Variants in EXD1 observed in about 807,000 individuals in gnomAD.
EXD1 encodes exonuclease 3'-5' domain containing 1, also known as piRNA biogenesis protein EXD1.
EXD1 carries 63 observed loss-of-function variants against 49.1 expected under a neutral mutation model. The ratio of observed to expected loss-of-function variants is 1.28; its 90% CI spans 1.05 to 1.58. EXD1 has a LOEUF of 1.58. Ranked by LOEUF, EXD1 falls within the 40% of genes most tolerant of loss-of-function variation. EXD1 has a pLI of 0.00. For missense variants in EXD1, 748 were observed against 666.0 expected (o/e 1.12, Z -1.36); for synonymous variants, 234 against 239.2 (o/e 0.98, Z 0.20).
At chr15:41,191,310 G>C in intron 10 of EXD1, 132 bp downstream of exon 10, 2 of 762,392 alleles carry the variant, frequency 2.6e-6, no homozygotes, top group Non-Finnish European at 4.1e-6. Flanking sequence ...TTCCCATTTG[G>C]TACAGTTAAG....
In EXD1 at chr15:41,183,708, T is replaced by C; in HGVS notation, c.*223A>G. On this transcript the variant is annotated 3_prime_UTR_variant, in exon 12 of 12. Coordinates refer to ENST00000458580, the MANE Select transcript of EXD1 (RefSeq NM_001286441.2). Reference sequence around the variant, plus strand: ...ATGCACTCTGGTCACTGAGAACATTTCTACACAGTGACATAATCAGAAATT... The same window carrying C: ...ATGCACTCTGGTCACTGAGAACATTCCTACACAGTGACATAATCAGAAATT... 2.2e-6 allele frequency: 1 copy of C among 461,200 alleles called. No homozygotes were observed. Among genetic ancestry groups the C allele is most frequent in the Non-Finnish European group, 3.8e-6 (1 of 266,220 alleles). The allele number at this position is 461,200 out of a possible 1,614,324, so 28.6% of individuals were successfully genotyped here. A position where few individuals can be genotyped will look rare whatever the true frequency, so the allele number is the denominator to read the frequency against.
chr15:41,223,384 C>T (rs1010287553), intron 2 of EXD1, among the ~76,000 whole-genome samples: 2 of 151,868 alleles, frequency 1.3e-5, no homozygotes, highest in South Asian at 2.1e-4. Context: ...AGTCCCACTG[C>T]ACTCCAGGCT....
intron 7 of EXD1, among the ~76,000 whole-genome samples, chr15:41,206,929 C>CTT (rs532980257): frequency 5.5e-5 from 3 of 54,366 alleles, no homozygotes; most frequent in African/African-American, 1.9e-4. Flanking sequence ...CTATTCAACT[C>CTT]TTTTTTTTTT....
At chr15:41,224,249 T>G (rs1384725073) in intron 2 of EXD1, among the ~76,000 whole-genome samples, 2 of 152,152 alleles carry the variant, frequency 1.3e-5, no homozygotes, top group Admixed American at 6.5e-5. Flanking sequence ...CTAGACTAAG[T>G]TTTTTGAGAA....
chr15:41,228,464 C>T (rs2047194185), intron 1 of EXD1, among the ~76,000 whole-genome samples: 1 of 152,140 alleles, frequency 6.6e-6, no homozygotes, highest in East Asian at 1.9e-4. Flanking sequence ...AGACACCTGC[C>T]CAAAGTCACA....
intron 11 of EXD1, 72 bp downstream of exon 11, chr15:41,189,864 GA>G: frequency 6.8e-7 from 1 of 1,460,250 alleles, no homozygotes; most frequent in Non-Finnish European, 9.4e-7. Flanking sequence ...CAGCTATGAA[GA>G]AAGGGTATCA....
At chr15:41,217,266 T>C in intron 3 of EXD1, 112 bp from the exon 4 acceptor site, 1 of 867,492 alleles carries the variant, frequency 1.2e-6, no homozygotes, top group South Asian at 1.6e-5. Flanking sequence ...TAATTGGAAA[T>C]GACATGTTAG....
rs935353251 is a variant in EXD1 at position 41,184,370 on chromosome 15, G to A, written c.1280C>T (p.Thr427Ile). Residue 427 changes from threonine (T) to isoleucine (I), a missense_variant, in exon 12 of 12, where the codon ACA (threonine) becomes ATA (isoleucine). Thr to Ile is a moderately conservative substitution (Grantham distance 89, BLOSUM62 -1). Coordinates refer to ENST00000458580, the MANE Select transcript of EXD1 (RefSeq NM_001286441.2). ...CACATCCCCGTGAAAGTCTTGAGATGTAAAACTTGGAGCTTTATCTATCCT... is the reference window on the plus strand; with the variant it reads ...CACATCCCCGTGAAAGTCTTGAGATATAAAACTTGGAGCTTTATCTATCCT... The part of the protein sequence containing the change: ...NFRIDKAPSF[T>I]SQDFHGDVNL... The A allele has an allele frequency of 1.9e-6, 3 of 1,614,052 alleles. No individual in the cohort carries two copies. The highest frequency in any genetic ancestry group is 1.3e-5 in the African/African-American group (1 of 74,912).
intron 1 of EXD1, among the ~76,000 whole-genome samples, chr15:41,228,739 G>A (rs1284326373): frequency 5.9e-5 from 9 of 151,928 alleles, no homozygotes; most frequent in Non-Finnish European, 7.4e-5. Context: ...TCACTCTGTC[G>A]CCAGGCTGGA....
chr15:41,191,888 T>C (rs951049854), intron 9 of EXD1: 4 of 227,948 alleles, frequency 1.8e-5, no homozygotes, highest in Non-Finnish European at 2.5e-5. Flanking sequence ...GTAATTCTCC[T>C]GCCTCAGCCA....
chr15:41,192,979 G>A (rs1238637097), intron 9 of EXD1, among the ~76,000 whole-genome samples: 1 of 151,666 alleles, frequency 6.6e-6, no homozygotes, highest in African/African-American at 2.4e-5. Context: ...TGTATTTTTA[G>A]TACAGACAGG....
At chr15:41,184,811 C>T (rs935210796) in intron 11 of EXD1, among the ~76,000 whole-genome samples, 9 of 151,986 alleles carry the variant, frequency 5.9e-5, no homozygotes, top group African/African-American at 1.9e-4. Flanking sequence ...CCTGCCACCA[C>T]GCCCAGCTAA....
At chr15:41,224,153 GT>G (rs1473666201) in intron 2 of EXD1, among the ~76,000 whole-genome samples, 2 of 152,144 alleles carry the variant, frequency 1.3e-5, no homozygotes, top group Non-Finnish European at 2.9e-5. Flanking sequence ...GCCCAGGCTG[GT>G]TTCAAACTCC....
At chr15:41,210,239 A>T (rs1373832339) in intron 6 of EXD1, among the ~76,000 whole-genome samples, 1 of 152,148 alleles carries the variant, frequency 6.6e-6, no homozygotes, top group East Asian at 1.9e-4. Flanking sequence ...TTAAGACAAG[A>T]TTCCTCATGC....
At chr15:41,211,930 C>G (rs1357603828) in intron 6 of EXD1, among the ~76,000 whole-genome samples, 2 of 152,042 alleles carry the variant, frequency 1.3e-5, no homozygotes, top group Non-Finnish European at 2.9e-5. Flanking sequence ...TGCCACTGCA[C>G]TCCAGCCTGG....
intron 9 of EXD1, 56 bp from the exon 10 acceptor site, chr15:41,191,641 C>A (rs2046520181): frequency 6.7e-7 from 1 of 1,491,286 alleles, no homozygotes; most frequent in Non-Finnish European, 9.2e-7. Flanking sequence ...AGAGCTATCT[C>A]ATGCCAGAAA....
rs898944458 is a variant in EXD1 at position 41,195,661 on chromosome 15, A to C, written c.720+114T>G. On this transcript the variant is annotated intron_variant, in intron 9 of 11. Transcript: ENST00000458580. ...CATGAAAAGTGAGCAGAAATGGAGCACCAAAAAAAAAAAAAAAATTAAAAA... is the reference window on the plus strand; with the variant it reads ...CATGAAAAGTGAGCAGAAATGGAGCCCCAAAAAAAAAAAAAAAATTAAAAA... 341 of 517,912 alleles carry C rather than the reference A, an allele frequency of 6.6e-4. 1 individual carries two copies. The highest frequency in any genetic ancestry group is 9.1e-4 in the Non-Finnish European group (308 of 339,432). The allele number at this position is 517,912 out of a possible 1,614,324, so 32.1% of individuals were successfully genotyped here.
intron 3 of EXD1, among the ~76,000 whole-genome samples, chr15:41,217,922 GA>G: frequency 6.6e-6 from 1 of 152,290 alleles, no homozygotes; most frequent in South Asian, 2.1e-4. Context: ...CTGGAGCAGA[GA>G]AAAGGTAAAA....
chr15:41,230,554 AT>A lies in EXD1; in HGVS notation c.-130del, dbSNP rs779279875. ...GGAAGTTTGGGAAATCTGGATCCTA[AT>A]TTCAGCCAAGTGGTGCGTTCCTCGA... is the stretch of plus-strand genomic sequence containing the variant. On this transcript the variant is annotated 5_prime_UTR_variant, in exon 1 of 12. Coordinates refer to ENST00000458580, the MANE Select transcript of EXD1 (RefSeq NM_001286441.2). The A allele has an allele frequency of 3.7e-6, 6 of 1,614,072 alleles. No homozygotes were observed. In the South Asian group the frequency reaches 6.6e-5, roughly 18 times the overall value.
Sources: allele counts gnomAD v4.1 joint callset (sites outside exome capture counted in the v4.1 genomes callset), GRCh38; gene constraint gnomAD v4.1.1; transcripts MANE v1.5; gene names NCBI Gene and HGNC (gene_info 2026-07-23, HGNC 2026-07-21).